The following GJB7 variants were observed in gnomAD, a reference collection of about 807,000 sequenced individuals.
The protein encoded by GJB7 is gap junction protein beta 7.
For synonymous variants in GJB7, 87 were observed against 95.2 expected, an observed-to-expected ratio of 0.91 and a Z score of 0.50; for missense variants, 253 against 256.8, an observed-to-expected ratio of 0.99 and a Z score of 0.10.
intron 1 of GJB7, among the ~76,000 whole-genome samples, chr6:87,327,309 T>A (rs28824331): frequency 6.6e-6 from 1 of 150,398 alleles, no homozygotes; most frequent in Non-Finnish European, 1.5e-5. Context: ...ATCCTGTCAT[T>A]ATGTTAGCTC....
chr6:87,308,648 T>C (rs1424485270), intron 2 of GJB7, among the ~76,000 whole-genome samples: 1 of 152,130 alleles, frequency 6.6e-6, no homozygotes, highest in Non-Finnish European at 1.5e-5. Context: ...ATTTTGATTA[T>C]TGGCCAAGAA....
At chr6:87,304,182 G>A (rs1321496609) in intron 2 of GJB7, among the ~76,000 whole-genome samples, 2 of 151,998 alleles carry the variant, frequency 1.3e-5, no homozygotes, top group Non-Finnish European at 2.9e-5. Flanking sequence ...GATCAGAGGA[G>A]AACTGAAGGA....
chr6:87,327,105 T>C (rs1776842470), intron 1 of GJB7, among the ~76,000 whole-genome samples: 1 of 151,622 alleles, frequency 6.6e-6, no homozygotes, highest in Non-Finnish European at 1.5e-5. Context: ...CTTTTTTTTG[T>C]TTTCCATTTG....
intron 2 of GJB7, among the ~76,000 whole-genome samples, chr6:87,307,037 G>A (rs1432000330): frequency 6.6e-6 from 1 of 152,060 alleles, no homozygotes; most frequent in Non-Finnish European, 1.5e-5. Context: ...GGTGGGGAGA[G>A]TGGGGAGGGA....
At chr6:87,288,493 T>C (rs1039625830) in intron 2 of GJB7, among the ~76,000 whole-genome samples, 1 of 152,230 alleles carries the variant, frequency 6.6e-6, no homozygotes, top group Non-Finnish European at 1.5e-5. Context: ...TCCCAAATTA[T>C]GTATCTCCAG....
intron 2 of GJB7, among the ~76,000 whole-genome samples, chr6:87,318,986 T>C (rs1482125668): frequency 6.6e-6 from 1 of 152,250 alleles, no homozygotes; most frequent in African/African-American, 2.4e-5. Flanking sequence ...AAAGCGCTAG[T>C]GGCATCAGTG....
intron 2 of GJB7, among the ~76,000 whole-genome samples, chr6:87,309,981 C>T (rs909746684): frequency 6.6e-5 from 10 of 152,170 alleles, no homozygotes; most frequent in Non-Finnish European, 1.5e-4. Flanking sequence ...CAAGATGGAT[C>T]ACTCTTTCAT....
chr6:87,302,153 C>T (rs1776339503), intron 2 of GJB7, among the ~76,000 whole-genome samples: 1 of 152,174 alleles, frequency 6.6e-6, no homozygotes, highest in African/African-American at 2.4e-5. Flanking sequence ...AGCTCCTCAC[C>T]AGCAATGCAA....
At chr6:87,316,441 G>C (rs1776585889) in intron 2 of GJB7, among the ~76,000 whole-genome samples, 2 of 152,190 alleles carry the variant, frequency 1.3e-5, no homozygotes, top group African/African-American at 4.8e-5. Flanking sequence ...CTATGGGAGT[G>C]ATGCCTCCCC....
chr6:87,284,298 G>T lies in GJB7; in HGVS notation c.615C>A (p.Cys205Ter). ...FIELSFLVLK[C>*]FIKCCLQKYL... ...ATTTTTGGAGACAGCACTTAATAAA[G>T]CACTTGAGAACCAAAAAACTCAGTT... The change falls in exon 3 of 3, where the codon TGC (cysteine) becomes TGA (stop). Residue 205 changes from cysteine (C) to a stop codon, truncating the protein, a stop_gained. Coordinates refer to ENST00000525899, the MANE Select transcript of GJB7 (RefSeq NM_198568.3). LOFTEE classifies it high-confidence loss of function. 6.2e-7 allele frequency: 1 copy of T among 1,613,856 alleles called. No homozygotes were observed. The highest frequency in any genetic ancestry group is 8.5e-7 in the Non-Finnish European group (1 of 1,179,902).
intron 2 of GJB7, among the ~76,000 whole-genome samples, chr6:87,307,423 T>A (rs1449081661): frequency 1.3e-5 from 2 of 151,972 alleles, no homozygotes; most frequent in Non-Finnish European, 2.9e-5. Flanking sequence ...GAAACTACCA[T>A]CAGAGTGAAC....
At chr6:87,313,135 A>G (rs1429594451) in intron 2 of GJB7, among the ~76,000 whole-genome samples, 3 of 152,254 alleles carry the variant, frequency 2.0e-5, no homozygotes, top group African/African-American at 7.2e-5. Flanking sequence ...TAATCTACAA[A>G]TAATCCTGCC....
intron 2 of GJB7, among the ~76,000 whole-genome samples, chr6:87,316,956 T>G (rs1482376799): frequency 3.9e-5 from 6 of 152,210 alleles, no homozygotes; most frequent in African/African-American, 1.4e-4. Flanking sequence ...TTGATTGTGA[T>G]TCTGGGCTCA....
chr6:87,323,852 T>C (rs993950507), intron 1 of GJB7, among the ~76,000 whole-genome samples: 6 of 152,138 alleles, frequency 3.9e-5, no homozygotes, highest in African/African-American at 1.4e-4. Flanking sequence ...ATCGCCACAC[T>C]GACTTCCACA....
chr6:87,299,154 A>T, intron 2 of GJB7: 1 of 464,518 alleles, frequency 2.2e-6, no homozygotes. Context: ...AAGATTAGCA[A>T]AAGTGCTAAT....
At chr6:87,305,488 C>A (rs1221263573) in intron 2 of GJB7, among the ~76,000 whole-genome samples, 1 of 152,124 alleles carries the variant, frequency 6.6e-6, no homozygotes, top group Non-Finnish European at 1.5e-5. Context: ...AGGACCTCTT[C>A]AAGGAGAACT....
chr6:87,307,769 C>G lies in GJB7; in HGVS notation c.-28+15097G>C, dbSNP rs144191961. On this transcript the variant is annotated intron_variant, in intron 2 of 2. Coordinates refer to ENST00000525899, the MANE Select transcript of GJB7 (RefSeq NM_198568.3). ...GTGGAGAAATAGGAACACTTTTACACTGTTGGTGGGTCTGTAAACTGGTTC... is the reference window on the plus strand; with the variant it reads ...GTGGAGAAATAGGAACACTTTTACAGTGTTGGTGGGTCTGTAAACTGGTTC... Among the ~76,000 whole-genome samples, 417 of 152,324 alleles carry G rather than the reference C, an allele frequency of 2.7e-3. 1 individual carries two copies. Among genetic ancestry groups the G allele is most frequent in the African/African-American group, 9.5e-3 (396 of 41,554 alleles).
At chr6:87,316,166 C>T (rs1451445682) in intron 2 of GJB7, among the ~76,000 whole-genome samples, 1 of 152,148 alleles carries the variant, frequency 6.6e-6, no homozygotes, top group Non-Finnish European at 1.5e-5. Context: ...GCGCAGATAT[C>T]TTCCCTCCCA....
chr6:87,298,169 A>G (rs1035337319), intron 2 of GJB7, among the ~76,000 whole-genome samples: 26 of 152,242 alleles, frequency 1.7e-4, no homozygotes, highest in African/African-American at 6.0e-4. Flanking sequence ...GGCTAATATA[A>G]CTAAAAAACA....
Sources: gnomAD v4.1 joint callset for allele counts (sites outside exome capture counted in the v4.1 genomes callset) on GRCh38, gnomAD v4.1.1 for gene constraint, MANE v1.5 for transcripts, NCBI Gene and HGNC (gene_info 2026-07-23, HGNC 2026-07-21) for gene names.